The following PRICKLE1 variants were observed in gnomAD, a reference collection of about 807,000 sequenced individuals.
PRICKLE1 encodes the protein prickle-like protein 1.
PRICKLE1 carries 14 observed loss-of-function variants against 70.2 expected under a neutral mutation model. The observed-to-expected ratio is 0.20, with a 90% CI of 0.13 to 0.31. The LOEUF is 0.31. Ranked by LOEUF, PRICKLE1 falls within the 10% of genes least tolerant of loss-of-function variation. The probability of loss-of-function intolerance (pLI) is 1.00; values close to 1 mark genes in which losing one functional copy is unlikely to be tolerated. For synonymous variants in PRICKLE1, 357 were observed against 379.9 expected, an observed-to-expected ratio of 0.94 and a Z score of 0.70; for missense variants, 821 against 1,026.2, an observed-to-expected ratio of 0.80 and a Z score of 2.73.
At position 42,589,263 on chromosome 12, in the gene PRICKLE1, A is replaced by G. The variant is rs1941036942; in HGVS notation, c.-49+202T>C. 6.6e-6 allele frequency: 1 copy of G among 152,286 alleles called. No individual in the cohort carries two copies. The highest frequency in any genetic ancestry group is 6.5e-5 in the Admixed American group (1 of 15,288). 9.4% of individuals were successfully genotyped at this position (152,286 alleles called of 1,614,324 possible). A position where few individuals can be genotyped will look rare whatever the true frequency, so the allele number is the denominator to read the frequency against. ...CGGAGCCCTGGCGATGCTGCAGCCA[A>G]TATCTGCTTTCCCTGTCTACACAGC... On this transcript the variant is annotated intron_variant, in intron 1 of 7. Coordinates refer to ENST00000345127, the MANE Select transcript of PRICKLE1 (RefSeq NM_153026.3). This position sits in a 1 kb window ranked among gnomAD's most constrained non-coding sequence, Gnocchi z 5.0.
intron 1 of PRICKLE1, among the ~76,000 whole-genome samples, chr12:42,519,152 C>T (rs920885045): frequency 2.0e-5 from 3 of 150,268 alleles, no homozygotes; most frequent in African/African-American, 7.3e-5. Context: ...TACCTGTTCC[C>T]TCCACAGTGT....
At chr12:42,565,413 G>A (rs1241523002) in intron 1 of PRICKLE1, among the ~76,000 whole-genome samples, 2 of 152,244 alleles carry the variant, frequency 1.3e-5, no homozygotes, top group Admixed American at 6.5e-5. Context: ...AACAGAATAG[G>A]GGATGTGGGA....
At position 42,490,889 on chromosome 12, in the gene PRICKLE1, A is replaced by G. The variant is rs1282472855; in HGVS notation, c.-48-18325T>C. On this transcript the variant is annotated intron_variant, in intron 1 of 7. Coordinates refer to ENST00000345127, the MANE Select transcript of PRICKLE1 (RefSeq NM_153026.3). ...TTATTTTTTTATTTTTATTTTTTTGAGACATAGTCTTAACTCTGTCACTCA... is the reference window on the plus strand; with the variant it reads ...TTATTTTTTTATTTTTATTTTTTTGGGACATAGTCTTAACTCTGTCACTCA... 4.0e-5 allele frequency among the ~76,000 whole-genome samples: 6 copies of G among 151,706 alleles called. No individual in the cohort carries two copies. In the East Asian group the frequency reaches 1.2e-3, roughly 29 times the overall value.
At chr12:42,505,385 A>G (rs1267524914) in intron 1 of PRICKLE1, among the ~76,000 whole-genome samples, 1 of 152,216 alleles carries the variant, frequency 6.6e-6, no homozygotes, top group African/African-American at 2.4e-5. Context: ...ATAAGGCAAC[A>G]GCACTTGCTA....
intron 2 of PRICKLE1, among the ~76,000 whole-genome samples, chr12:42,470,646 C>G (rs1938283538): frequency 1.3e-5 from 2 of 151,472 alleles, no homozygotes; most frequent in South Asian, 4.1e-4. Context: ...TGGCTCACGC[C>G]TGTAATCCCA....
In PRICKLE1 at chr12:42,464,514, G is replaced by A. The variant is rs781019264; in HGVS notation, c.1520C>T (p.Ser507Leu). ...CTGTGTTTCATCATGATTATACCCT[G>A]AAGCCCCATGGTCCAGTTCCAATTC... ...LQELELDHGA[S>L]GYNHDETQWY... Residue 507 changes from serine to leucine, a missense_variant, in exon 7 of 8, where the codon TCA (serine) becomes TTA (leucine). By Grantham distance (145) the Ser-to-Leu change is moderately radical. Transcript: ENST00000345127. The surrounding 1 kb of genome is among the most constrained non-coding windows in gnomAD (Gnocchi z 4.2). The A allele has an allele frequency of 5.5e-5, 89 of 1,613,870 alleles. No homozygotes were observed. The highest frequency in any genetic ancestry group is 6.9e-5 in the Non-Finnish European group (82 of 1,180,040).
chr12:42,459,902 T>A lies in PRICKLE1; in HGVS notation c.2403A>T (p.Pro801=), dbSNP rs1434346670. 1 of 1,614,166 alleles carries A rather than the reference T, an allele frequency of 6.2e-7. No individual in the cohort carries two copies. Among genetic ancestry groups the A allele is most frequent in the East Asian group, 2.2e-5 (1 of 44,874 alleles). ...ACTGAGGGGTGGGAAGTGCAGATGG[T>A]GGACTAGAAAGGTCATCTGTATAGT... ...FAYYTDDLSS[P]PSALPTPQFG... The change falls in exon 8 of 8, where the codon CCA becomes CCT. Residue 801 remains proline, a synonymous_variant. Transcript: ENST00000345127.
At chr12:42,586,018 C>G (rs145570998) in intron 1 of PRICKLE1, among the ~76,000 whole-genome samples, 1 of 152,098 alleles carries the variant, frequency 6.6e-6, no homozygotes, top group Non-Finnish European at 1.5e-5. Flanking sequence ...TACTGTACTT[C>G]CCTCTCTCAA....
At chr12:42,586,213 T>C (rs1056466141) in intron 1 of PRICKLE1, among the ~76,000 whole-genome samples, 1 of 152,168 alleles carries the variant, frequency 6.6e-6, no homozygotes, top group African/African-American at 2.4e-5. Flanking sequence ...CATACATAGA[T>C]TTAGGCAATC....
At chr12:42,522,873 T>G (rs536351898) in intron 1 of PRICKLE1, among the ~76,000 whole-genome samples, 426 of 152,306 alleles carry the variant, frequency 2.8e-3, no homozygotes, top group African/African-American at 9.7e-3. Context: ...GCAAGTTTTG[T>G]GCCATGCATT....
At chr12:42,471,801 C>T (rs1160214569) in intron 2 of PRICKLE1, among the ~76,000 whole-genome samples, 2 of 152,176 alleles carry the variant, frequency 1.3e-5, no homozygotes, top group Non-Finnish European at 2.9e-5. Flanking sequence ...ATGGAATGTT[C>T]TCATCTTCCC....
At position 42,457,814 on chromosome 12, in the gene PRICKLE1, A is replaced by C. The variant is rs1456401688; in HGVS notation, c.*1995T>G. 2 of 152,250 alleles carry C rather than the reference A, an allele frequency of 1.3e-5. No individual in the cohort carries two copies. Among genetic ancestry groups the C allele is most frequent in the Non-Finnish European group, 1.5e-5 (1 of 68,042 alleles). The allele number at this position is 152,250 out of a possible 1,614,324, so 9.4% of individuals were successfully genotyped here. A position where few individuals can be genotyped will look rare whatever the true frequency, so the allele number is the denominator to read the frequency against. On this transcript the variant is annotated 3_prime_UTR_variant, in exon 8 of 8. Coordinates refer to ENST00000345127, the MANE Select transcript of PRICKLE1 (RefSeq NM_153026.3). Reference sequence around the variant, plus strand: ...GACACATTTATACGAATGTGCTTTGAATGTCTGAAGGAGACACTAAAACTG... The same window carrying C: ...GACACATTTATACGAATGTGCTTTGCATGTCTGAAGGAGACACTAAAACTG...
chr12:42,471,405 A>G (rs1163915003), intron 2 of PRICKLE1, among the ~76,000 whole-genome samples: 3 of 152,200 alleles, frequency 2.0e-5, no homozygotes, highest in Non-Finnish European at 4.4e-5. Context: ...ATACCTTAGT[A>G]CCACACAAAA....
intron 1 of PRICKLE1, among the ~76,000 whole-genome samples, chr12:42,559,624 A>ATATATT (rs370313890): frequency 4.7e-4 from 38 of 81,578 alleles, no homozygotes; most frequent in Non-Finnish European, 6.5e-4. Context: ...ATATATATAT[A>ATATATT]TTTTTTTTTT....
intron 1 of PRICKLE1, chr12:42,482,869 G>C (rs1437167728): frequency 6.6e-6 from 1 of 152,268 alleles, no homozygotes; most frequent in Non-Finnish European, 1.5e-5. Flanking sequence ...CATCCCCGCC[G>C]CCGCAGCAGC....
At chr12:42,512,257 G>A (rs892464312) in intron 1 of PRICKLE1, among the ~76,000 whole-genome samples, 9 of 152,252 alleles carry the variant, frequency 5.9e-5, no homozygotes, top group Admixed American at 3.9e-4. Context: ...TGCAACCTCT[G>A]CCTCCCAGGT....
rs528284837 is a variant in PRICKLE1, at chr12:42,463,445, C to T, written c.1639+950G>A. Among the ~76,000 whole-genome samples, 17 of 151,268 alleles carry T rather than the reference C, an allele frequency of 1.1e-4. No homozygotes were observed. The South Asian group carries it at 1.9e-3, about 17-fold the overall frequency. On this transcript the variant is annotated intron_variant, in intron 7 of 7. Transcript: ENST00000345127. ...AAAAAAAAATGAGCTTGTGGCCAGGCGTGGTGGCTCATGCCTATAATCCCA... is the reference window on the plus strand; with the variant it reads ...AAAAAAAAATGAGCTTGTGGCCAGGTGTGGTGGCTCATGCCTATAATCCCA...
intron 1 of PRICKLE1, among the ~76,000 whole-genome samples, chr12:42,541,529 G>C (rs941747920): frequency 2.6e-5 from 4 of 151,846 alleles, no homozygotes; most frequent in African/African-American, 9.7e-5. Flanking sequence ...GTAGAGATGG[G>C]GTCTCACTAT....
At chr12:42,491,975 G>A (rs1408304768) in intron 1 of PRICKLE1, among the ~76,000 whole-genome samples, 3 of 151,570 alleles carry the variant, frequency 2.0e-5, no homozygotes, top group African/African-American at 4.9e-5. Flanking sequence ...TAGTAGAGAC[G>A]GGTTTTCACT....
Sources: gnomAD v4.1 joint callset for allele counts (sites outside exome capture counted in the v4.1 genomes callset) on GRCh38, gnomAD v4.1.1 for gene constraint, Gnocchi (gnomAD v3.1) non-coding constraint, MANE v1.5 for transcripts, NCBI Gene and HGNC (gene_info 2026-07-23, HGNC 2026-07-21) for gene names.